The following CSMD1 variants were observed in gnomAD, a reference collection of about 807,000 sequenced individuals.
CSMD1 encodes the protein CUB and Sushi multiple domains 1.
In CSMD1, 213 loss-of-function variants were observed where a neutral mutation model predicts 417.5. The observed-to-expected ratio is 0.51, with a 90% confidence interval of 0.46 to 0.57. The LOEUF is 0.57. CSMD1 is among the 20% of genes least tolerant of loss of function. CSMD1 has a pLI of 0.00. For missense variants in CSMD1, 6,923 were observed against 4,529.7 expected (o/e 1.53, Z -15.17); for synonymous variants, 2,862 against 1,736.8 (o/e 1.65, Z -16.11).
chr8:2,988,531 T>C (rs1806121976), intron 54 of CSMD1, among the ~76,000 whole-genome samples: 1 of 152,072 alleles, frequency 6.6e-6, no homozygotes. Context: ...GGGGACAAAG[T>C]TTCCAAGAAA....
intron 1 of CSMD1, among the ~76,000 whole-genome samples, chr8:4,776,914 A>G (rs1461415288): frequency 6.6e-6 from 1 of 152,158 alleles, no homozygotes; most frequent in Non-Finnish European, 1.5e-5. Flanking sequence ...CACTTCCACA[A>G]CGTTACTAAG....
At chr8:3,808,659 G>A (rs951665894) in intron 5 of CSMD1, among the ~76,000 whole-genome samples, 2 of 152,122 alleles carry the variant, frequency 1.3e-5, no homozygotes, top group African/African-American at 4.8e-5. Flanking sequence ...AGGGACTTAG[G>A]TCTTGTTTGT....
chr8:4,227,648 T>C (rs967720366), intron 3 of CSMD1, among the ~76,000 whole-genome samples: 4 of 151,954 alleles, frequency 2.6e-5, no homozygotes, highest in African/African-American at 9.7e-5. Flanking sequence ...TACCAATCAT[T>C]GCCAGTGATC....
chr8:4,460,489 G>C (rs1037216463), intron 2 of CSMD1, among the ~76,000 whole-genome samples: 5 of 151,886 alleles, frequency 3.3e-5, no homozygotes, highest in Non-Finnish European at 7.4e-5. Flanking sequence ...GAATAATCAA[G>C]TATACAATAG....
intron 3 of CSMD1, among the ~76,000 whole-genome samples, chr8:4,131,557 T>A (rs1474835436): frequency 6.6e-6 from 1 of 152,264 alleles, no homozygotes; most frequent in Non-Finnish European, 1.5e-5. Flanking sequence ...CTGTAGAAAA[T>A]ATTTTTCTCA....
intron 3 of CSMD1, among the ~76,000 whole-genome samples, chr8:4,189,457 C>A (rs936524670): frequency 6.6e-6 from 1 of 152,006 alleles, no homozygotes; most frequent in East Asian, 1.9e-4. Flanking sequence ...AGTATGTTTG[C>A]AGAAAAGAAA....
At chr8:4,164,980 A>T (rs916033164) in intron 3 of CSMD1, among the ~76,000 whole-genome samples, 3 of 152,084 alleles carry the variant, frequency 2.0e-5, no homozygotes, top group Admixed American at 1.3e-4. Context: ...AATTTTTATA[A>T]TTATTGTAGA....
chr8:4,354,660 GAATTT>G (rs1207737356), intron 3 of CSMD1, among the ~76,000 whole-genome samples: 86 of 152,010 alleles, frequency 5.7e-4, no homozygotes, highest in African/African-American at 2.0e-3. Flanking sequence ...CATCTATGCA[GAATTT>G]AAAATTTTTG....
chr8:3,261,571 T>C (rs573523414), intron 26 of CSMD1, among the ~76,000 whole-genome samples: 1 of 152,262 alleles, frequency 6.6e-6, no homozygotes, highest in East Asian at 1.9e-4. Flanking sequence ...GCTGTACTCA[T>C]AGGAGTCCCA....
At chr8:3,116,592 T>C (rs952987156) in intron 42 of CSMD1, among the ~76,000 whole-genome samples, 1 of 152,210 alleles carries the variant, frequency 6.6e-6, no homozygotes, top group East Asian at 1.9e-4. Context: ...TATACCATGT[T>C]AGAATTAGGA....
chr8:3,591,995 C>G (rs559642829), intron 8 of CSMD1, among the ~76,000 whole-genome samples: 4 of 151,152 alleles, frequency 2.6e-5, no homozygotes, highest in Non-Finnish European at 4.4e-5. Flanking sequence ...AGATAAAAGA[C>G]GGATGGATAG....
chr8:4,556,346 G>T (rs960867881), intron 2 of CSMD1, among the ~76,000 whole-genome samples: 2 of 151,970 alleles, frequency 1.3e-5, no homozygotes, highest in South Asian at 2.1e-4. Context: ...AATGTTTAAG[G>T]TTATGAAGAT....
At chr8:3,915,839 A>G (rs377062481) in intron 5 of CSMD1, among the ~76,000 whole-genome samples, 11 of 147,800 alleles carry the variant, frequency 7.4e-5, no homozygotes, top group African/African-American at 2.0e-4. Flanking sequence ...AACATTTTAC[A>G]TATCACCCCA....
chr8:3,137,996 G>C (rs546951728), intron 41 of CSMD1, among the ~76,000 whole-genome samples: 2 of 152,282 alleles, frequency 1.3e-5, no homozygotes, highest in East Asian at 3.9e-4. Flanking sequence ...AGGATGAGGA[G>C]GGCAAATGAC....
chr8:3,581,353 A>C (rs1056506861), intron 9 of CSMD1, among the ~76,000 whole-genome samples: 1 of 152,214 alleles, frequency 6.6e-6, no homozygotes, highest in African/African-American at 2.4e-5. Flanking sequence ...AATTCCAAAC[A>C]AAATCACTTG....
At chr8:3,187,094 C>T (rs1300633774) in intron 36 of CSMD1, among the ~76,000 whole-genome samples, 1 of 152,156 alleles carries the variant, frequency 6.6e-6, no homozygotes, top group Non-Finnish European at 1.5e-5. Context: ...TCATAACTGG[C>T]AAAGTAAAGG....
In CSMD1 at chr8:4,763,472, G is replaced by A. The variant is rs183558679; in HGVS notation, c.86-125914C>T. On this transcript the variant is annotated intron_variant, in intron 1 of 69. Coordinates refer to ENST00000635120, the MANE Select transcript of CSMD1 (RefSeq NM_033225.6). ...TATTTATAATAGTGACATGATGAGAGCTCCATAATCATTCAATAATTTATT... is the reference window on the plus strand; with the variant it reads ...TATTTATAATAGTGACATGATGAGAACTCCATAATCATTCAATAATTTATT... Among the ~76,000 whole-genome samples the A allele has an allele frequency of 1.3e-3, 205 of 152,196 alleles. 2 individuals carry two copies. The highest frequency in any genetic ancestry group is 9.8e-3 in the South Asian group (47 of 4,820).
At chr8:3,104,691 A>C (rs1816000448) in intron 46 of CSMD1, among the ~76,000 whole-genome samples, 1 of 141,718 alleles carries the variant, frequency 7.1e-6, no homozygotes, top group South Asian at 2.2e-4. Flanking sequence ...CAAAGTTATC[A>C]GACTTTTTTT....
intron 1 of CSMD1, among the ~76,000 whole-genome samples, chr8:4,792,553 C>A (rs370447090): frequency 6.6e-6 from 1 of 152,148 alleles, no homozygotes; most frequent in East Asian, 1.9e-4. Context: ...TTCAGCCATA[C>A]ACCACACTCA....
Sources: gnomAD v4.1 joint callset for allele counts (sites outside exome capture counted in the v4.1 genomes callset) on GRCh38, gnomAD v4.1.1 for gene constraint, MANE v1.5 for transcripts, NCBI Gene and HGNC (gene_info 2026-07-23, HGNC 2026-07-21) for gene names.